Variants in KATNAL2 observed in about 807,000 individuals in gnomAD.
KATNAL2 encodes the protein katanin p60 ATPase-containing subunit A-like 2.
KATNAL2 carries 52 observed loss-of-function variants against 76.3 expected under a neutral mutation model. The ratio of observed to expected loss-of-function variants is 0.68; its 90% confidence interval spans 0.55 to 0.86. The LOEUF (loss-of-function observed/expected upper bound fraction) is 0.86, where lower values mean the gene tolerates loss of function less well. Among genes scored for constraint, KATNAL2 ranks in the 40% least tolerant of loss-of-function variants. KATNAL2 has a pLI of 0.00. For synonymous variants in KATNAL2, 243 were observed against 244.2 expected (o/e 1.00, Z 0.05); for missense variants, 660 against 668.9 (o/e 0.99, Z 0.15).
intron 3 of KATNAL2, among the ~76,000 whole-genome samples, chr18:47,032,392 A>G (rs1405835677): frequency 1.3e-5 from 2 of 152,170 alleles, no homozygotes; most frequent in Non-Finnish European, 2.9e-5. Flanking sequence ...GACCACATGG[A>G]CCGTGCCACC....
chr18:47,059,532 GTGTCCT>G lies in KATNAL2; in HGVS notation c.451-19_451-14del, dbSNP rs2061569590. The G allele has an allele frequency of 6.5e-7, 1 of 1,529,152 alleles. No homozygotes were observed. Among genetic ancestry groups the G allele is most frequent in the Non-Finnish European group, 9.1e-7 (1 of 1,103,122 alleles). 94.7% of individuals were successfully genotyped at this position (1,529,152 alleles called of 1,614,324 possible). ...CTCTCCATGGCTGCTCACAGCCGAT[GTGTCCT>G]TGTCTCTCTTTCTTCAGGAGGTAGT... On this transcript the variant is annotated intron_variant, in intron 7 of 17. Coordinates refer to ENST00000683218, the MANE Select transcript of KATNAL2 (RefSeq NM_001387690.1).
chr18:47,073,787 C>A (rs1416890464), intron 13 of KATNAL2, among the ~76,000 whole-genome samples: 2 of 152,144 alleles, frequency 1.3e-5, no homozygotes, highest in African/African-American at 4.8e-5. Flanking sequence ...TAACTTCCTC[C>A]AGGTTCCTCT....
At chr18:47,070,263 A>T (rs1716455806) in intron 13 of KATNAL2, among the ~76,000 whole-genome samples, 1 of 151,052 alleles carries the variant, frequency 6.6e-6, no homozygotes, top group African/African-American at 2.4e-5. Context: ...CGCCCAGCTA[A>T]TTTTTTTTGT....
chr18:47,097,849 C>T (rs2063315850), intron 15 of KATNAL2, among the ~76,000 whole-genome samples: 1 of 152,128 alleles, frequency 6.6e-6, no homozygotes, highest in Admixed American at 6.6e-5. Flanking sequence ...GCCTAGTACC[C>T]ATTAGTTGTT....
Position 46,946,094 on chromosome 18 carries a change from G to A in KATNAL2, c.-472G>A. ...TGAATATTTTTGTATCCTGAAGGGAGAAATGGATGAAGAAGAAATGGATGA... is the reference window on the plus strand; with the variant it reads ...TGAATATTTTTGTATCCTGAAGGGAAAAATGGATGAAGAAGAAATGGATGA... On this transcript the variant is annotated 5_prime_UTR_variant, in exon 2 of 18. Transcript: ENST00000683218. The A allele has an allele frequency of 3.9e-6, 2 of 517,836 alleles. No individual in the cohort carries two copies. Among genetic ancestry groups the A allele is most frequent in the Non-Finnish European group, 5.0e-6 (2 of 401,220 alleles). The allele number at this position is 517,836 out of a possible 1,614,324, so 32.1% of individuals were successfully genotyped here.
At position 47,067,028 on chromosome 18, in the gene KATNAL2, A is replaced by C. The variant is rs2061836393; in HGVS notation, c.734A>C (p.Tyr245Ser). The C allele has an allele frequency of 1.3e-6, 2 of 1,584,364 alleles. No homozygotes were observed. The highest frequency in any genetic ancestry group is 8.6e-7 in the Non-Finnish European group (1 of 1,158,770). ...ATCAAATGTGCATTGCAGGACATTTATCTCCATAATCCAAACATAAAGTGG... is the reference window on the plus strand; with the variant it reads ...ATCAAATGTGCATTGCAGGACATTTCTCTCCATAATCCAAACATAAAGTGG... Reference protein sequence around the residue: ...ELAAVVSRDIYLHNPNIKWND... With the variant: ...ELAAVVSRDISLHNPNIKWND... Residue 245 changes from tyrosine (Y) to serine (S), a missense_variant, in exon 11 of 18, where the codon TAT becomes TCT. Coordinates refer to ENST00000683218, the MANE Select transcript of KATNAL2 (RefSeq NM_001387690.1).
At chr18:47,097,416 G>A (rs2063296252) in intron 15 of KATNAL2, among the ~76,000 whole-genome samples, 1 of 152,056 alleles carries the variant, frequency 6.6e-6, no homozygotes, top group South Asian at 2.1e-4. Flanking sequence ...TGATGAATAT[G>A]AAAACACATC....
chr18:47,060,313 C>G (rs2061594895), intron 8 of KATNAL2, among the ~76,000 whole-genome samples: 1 of 152,206 alleles, frequency 6.6e-6, no homozygotes, highest in Non-Finnish European at 1.5e-5. Context: ...TCATTCTGCT[C>G]TGTCCTGTCA....
intron 3 of KATNAL2, among the ~76,000 whole-genome samples, chr18:47,031,320 C>A (rs1024751972): frequency 6.6e-6 from 1 of 152,082 alleles, no homozygotes; most frequent in African/African-American, 2.4e-5. Flanking sequence ...GAAAACAGAT[C>A]CATTTGAAAT....
intron 2 of KATNAL2, 70 bp from the exon 3 acceptor site, chr18:46,946,784 C>T: frequency 1.5e-6 from 2 of 1,362,784 alleles, no homozygotes; most frequent in Non-Finnish European, 2.0e-6. Context: ...AAGGGGCGGG[C>T]TGGTTAAGCG....
intron 6 of KATNAL2, 101 bp from the exon 7 acceptor site, chr18:47,058,134 A>T (rs2061522520): frequency 2.4e-6 from 2 of 838,338 alleles, no homozygotes; most frequent in Admixed American, 3.9e-5. Context: ...CATATCTTTC[A>T]ATAGCTTTCT....
intron 3 of KATNAL2, chr18:47,033,106 T>A: frequency 6.2e-7 from 1 of 1,614,146 alleles, no homozygotes; most frequent in Non-Finnish European, 8.5e-7. Flanking sequence ...GGGCGCCGCG[T>A]GCTCATTGCT....
intron 3 of KATNAL2, among the ~76,000 whole-genome samples, chr18:47,037,907 A>C (rs1437520967): frequency 2.0e-5 from 3 of 151,540 alleles, no homozygotes; most frequent in Non-Finnish European, 4.4e-5. Flanking sequence ...CTGCTCTCAA[A>C]CTCCTGGGCT....
At chr18:47,095,191 G>T (rs918460395) in intron 15 of KATNAL2, among the ~76,000 whole-genome samples, 2 of 152,150 alleles carry the variant, frequency 1.3e-5, no homozygotes, top group Non-Finnish European at 2.9e-5. Flanking sequence ...TCTTTCAGTG[G>T]TGTTTAGTAG....
chr18:47,073,265 ATATG>A (rs1339385796), intron 13 of KATNAL2, among the ~76,000 whole-genome samples: 1 of 152,208 alleles, frequency 6.6e-6, no homozygotes, highest in East Asian at 1.9e-4. Flanking sequence ...CAGTGCTCGA[ATATG>A]TATTTCTTTG....
intron 3 of KATNAL2, among the ~76,000 whole-genome samples, chr18:47,032,001 G>A (rs765265844): frequency 6.6e-6 from 1 of 152,174 alleles, no homozygotes; most frequent in African/African-American, 2.4e-5. Context: ...GCAGACGTCC[G>A]TGTGATCTGA....
intron 3 of KATNAL2, chr18:47,035,361 C>G: frequency 1.9e-6 from 3 of 1,581,866 alleles, no homozygotes; most frequent in Non-Finnish European, 2.6e-6. Flanking sequence ...CCTCGCTGCC[C>G]GGTCGCCAGG....
At chr18:47,034,060 G>C (rs1569052938) in intron 3 of KATNAL2, 1 of 1,614,228 alleles carries the variant, frequency 6.2e-7, no homozygotes, top group Admixed American at 1.7e-5. Flanking sequence ...AGTGGTGGCA[G>C]ATTTTCCAGT....
chr18:47,033,123 C>G, intron 3 of KATNAL2: 1 of 1,614,112 alleles, frequency 6.2e-7, no homozygotes, highest in Non-Finnish European at 8.5e-7. Context: ...TGCTGCTGCT[C>G]AGGCAGGGGT....
Sources: allele counts gnomAD v4.1 joint callset (sites outside exome capture counted in the v4.1 genomes callset), GRCh38; gene constraint gnomAD v4.1.1; transcripts MANE v1.5; gene names NCBI Gene and HGNC (gene_info 2026-07-23, HGNC 2026-07-21).